The following CRISP1 variants were observed in gnomAD, a reference collection of about 807,000 sequenced individuals.
CRISP1 encodes cysteine rich secretory protein 1, also known as cysteine-rich secretory protein 1.
CRISP1 carries 44 observed loss-of-function variants against 33.1 expected under a neutral mutation model. The ratio of observed to expected loss-of-function variants is 1.33; its 90% CI spans 1.05 to 1.71. CRISP1 has a LOEUF of 1.71. Ranked by LOEUF, CRISP1 falls within the 40% of genes most tolerant of loss-of-function variation. The pLI is 0.00. For synonymous variants in CRISP1, 103 were observed against 98.7 expected (o/e 1.04, Z -0.26); for missense variants, 390 against 301.2 (o/e 1.29, Z -2.18).
chr6:49,847,102 A>C (rs1771200408), intron 4 of CRISP1, among the ~76,000 whole-genome samples: 1 of 152,162 alleles, frequency 6.6e-6, no homozygotes, highest in Admixed American at 6.6e-5. Flanking sequence ...CATGGTATTC[A>C]GGAGTATCTG....
At chr6:49,866,891 G>C (rs1223664737), upstream of CRISP1, among the ~76,000 whole-genome samples, 1 of 152,078 alleles carries the variant, frequency 6.6e-6, no homozygotes, top group African/African-American at 2.4e-5. Context: ...CTCTCTTCTA[G>C]ATGCTGAGGA....
intron 2 of CRISP1, among the ~76,000 whole-genome samples, chr6:49,856,647 C>A (rs1210873584): frequency 3.3e-5 from 5 of 152,054 alleles, no homozygotes; most frequent in Non-Finnish European, 5.9e-5. Flanking sequence ...AATATAAAAA[C>A]CACTCATTTT....
Position 49,852,018 on chromosome 6 carries a change from T to C in CRISP1, c.178A>G (p.Ser60Gly). 1 of 1,610,030 alleles carries C rather than the reference T, an allele frequency of 6.2e-7. No individual in the cohort carries two copies. Among genetic ancestry groups the C allele is most frequent in the Non-Finnish European group, 8.5e-7 (1 of 1,178,736 alleles). ...ALRRRVVPPA[S>G]NMLKMSWSEE... is the part of the protein sequence containing the mutation. ...GATCTTACCATCTTCAGCATGTTGC[T>C]GGCTGGTGGAACTACTCTTCTCCTG... is the stretch of plus-strand genomic sequence containing the variant. Residue 60 changes from serine to glycine, a missense_variant, in exon 3 of 8, where the codon AGC (serine) becomes GGC (glycine). Transcript: ENST00000335847.
chr6:49,871,082 G>T (rs1362739166), upstream of CRISP1, among the ~76,000 whole-genome samples: 3 of 148,528 alleles, frequency 2.0e-5, no homozygotes, highest in African/African-American at 7.5e-5. Flanking sequence ...TAGCCTGGGG[G>T]ATAAGAGGGA....
At chr6:49,852,211 C>G in intron 2 of CRISP1, 82 bp from the exon 3 acceptor site, 1 of 1,276,772 alleles carries the variant, frequency 7.8e-7, no homozygotes, top group Non-Finnish European at 1.1e-6. Context: ...ATAGGTAATG[C>G]AAATTTATAG....
chr6:49,853,671 T>G (rs1042108082), intron 2 of CRISP1, among the ~76,000 whole-genome samples: 1 of 152,206 alleles, frequency 6.6e-6, no homozygotes, highest in African/African-American at 2.4e-5. Flanking sequence ...TTTAATATAA[T>G]CGAGCCTTCT....
At chr6:49,864,522 G>C (rs1422550146) in intron 1 of CRISP1, among the ~76,000 whole-genome samples, 1 of 151,766 alleles carries the variant, frequency 6.6e-6, no homozygotes, top group African/African-American at 2.4e-5. Context: ...TTCCAAATGA[G>C]TTTTATCAAA....
chr6:49,850,589 C>T (rs1309874872), intron 3 of CRISP1, among the ~76,000 whole-genome samples: 2 of 152,172 alleles, frequency 1.3e-5, no homozygotes, highest in East Asian at 3.9e-4. Flanking sequence ...TAATCCTATA[C>T]ATGTCCTATG....
At chr6:49,865,994 G>C (rs769781734) in intron 1 of CRISP1, among the ~76,000 whole-genome samples, 4 of 151,982 alleles carry the variant, frequency 2.6e-5, no homozygotes, top group African/African-American at 9.7e-5. Context: ...AGCAACTCCC[G>C]AAAACAAAAT....
intron 3 of CRISP1, 75 bp from the exon 4 acceptor site, chr6:49,848,374 A>G (rs2127473039): frequency 1.2e-6 from 1 of 838,224 alleles, no homozygotes; most frequent in Admixed American, 2.6e-5. Context: ...GTTTTTAATA[A>G]TCCACGAGAT....
At chr6:49,857,780 G>A (rs1771536426) in intron 1 of CRISP1, among the ~76,000 whole-genome samples, 1 of 152,146 alleles carries the variant, frequency 6.6e-6, no homozygotes, top group South Asian at 2.1e-4. Context: ...TGTTGAAGAG[G>A]AAGTCAAAAG....
chr6:49,841,956 C>T (rs1442853492), intron 5 of CRISP1, among the ~76,000 whole-genome samples: 1 of 152,178 alleles, frequency 6.6e-6, no homozygotes, highest in East Asian at 1.9e-4. Context: ...TGATTGTTCT[C>T]ACTCGCCCTC....
chr6:49,848,781 C>A (rs62404910), intron 3 of CRISP1, among the ~76,000 whole-genome samples: 14,471 of 151,980 alleles, frequency 0.095, 955 homozygotes, highest in Non-Finnish European at 0.15. Context: ...TGATTAGAAG[C>A]AAGTATAGAG....
At position 49,858,009 on chromosome 6, in the gene CRISP1, T is replaced by A. The variant is rs561737732; in HGVS notation, c.-2-607A>T. Among the ~76,000 whole-genome samples the A allele has an allele frequency of 2.4e-4, 37 of 152,302 alleles. No individual in the cohort carries two copies. In the South Asian group the frequency reaches 5.8e-3, roughly 24 times the overall value. On this transcript the variant is annotated intron_variant, in intron 1 of 7. Transcript: ENST00000335847. ...CTCCAGAACAGTAGGATAATAAACC[T>A]GTATTTATTTTAGAACATTCAATTT...
chr6:49,846,524 G>A lies in CRISP1; in HGVS notation c.431C>T (p.Thr144Ile), dbSNP rs1771173455. The A allele has an allele frequency of 1.2e-6, 2 of 1,612,896 alleles. No individual in the cohort carries two copies. The highest frequency in any genetic ancestry group is 2.2e-5 in the South Asian group (2 of 90,936). Residue 144 changes from threonine to isoleucine, a missense_variant, in exon 5 of 8, where the codon ACT becomes ATT. By Grantham distance (89) the Thr-to-Ile change is moderately conservative. Coordinates refer to ENST00000335847, the MANE Select transcript of CRISP1 (RefSeq NM_001131.3). ...TDDDITTDHY[T>I]QIVWATSYLI... The stretch of plus-strand genomic sequence containing the variant: ...GTTTGCCAGCACACAGGTTACCTGA[G>A]TGTAGTGGTCAGTAGTTATGTCATC...
chr6:49,836,768 C>G (rs1051284381), intron 7 of CRISP1, among the ~76,000 whole-genome samples: 1 of 152,150 alleles, frequency 6.6e-6, no homozygotes, highest in African/African-American at 2.4e-5. Flanking sequence ...AGAATAACTA[C>G]AGTAGATTTA....
intron 3 of CRISP1, among the ~76,000 whole-genome samples, chr6:49,850,553 T>G (rs1771316793): frequency 6.6e-6 from 1 of 152,086 alleles, no homozygotes; most frequent in Non-Finnish European, 1.5e-5. Flanking sequence ...AGTCCTATTG[T>G]TCCTTAAATT....
intron 3 of CRISP1, 135 bp from the exon 4 acceptor site, chr6:49,848,434 T>C: frequency 2.0e-6 from 1 of 502,172 alleles, no homozygotes; most frequent in Non-Finnish European, 3.4e-6. Flanking sequence ...GAGATTACTA[T>C]TAAACGTTCT....
At chr6:49,855,815 C>T (rs1471039965) in intron 2 of CRISP1, among the ~76,000 whole-genome samples, 1 of 152,124 alleles carries the variant, frequency 6.6e-6, no homozygotes, top group Non-Finnish European at 1.5e-5. Context: ...AGTCTATTTG[C>T]TTTCTACCTG....
Sources: allele counts gnomAD v4.1 joint callset (sites outside exome capture counted in the v4.1 genomes callset), GRCh38; gene constraint gnomAD v4.1.1; transcripts MANE v1.5; gene names NCBI Gene and HGNC (gene_info 2026-07-23, HGNC 2026-07-21).